The following EYA3 variants were observed in gnomAD, a reference collection of about 807,000 sequenced individuals.
EYA3 encodes EYA transcriptional coactivator and phosphatase 3, also known as protein phosphatase EYA3.
Under a neutral mutation model 80.0 loss-of-function variants are expected in EYA3, and 39 were observed. That is an observed-to-expected ratio of 0.49 (90% CI 0.38 to 0.64). The LOEUF is 0.64. EYA3 is among the 30% of genes least tolerant of loss of function. The pLI is 0.00. For synonymous variants in EYA3, 206 were observed against 232.8 expected, an observed-to-expected ratio of 0.88 and a Z score of 1.05; for missense variants, 523 against 676.1, an observed-to-expected ratio of 0.77 and a Z score of 2.51.
rs531497191 is a variant in EYA3 at position 28,035,670 on chromosome 1, G to C, written c.235C>G (p.His79Asp). 4 of 1,609,434 alleles carry C rather than the reference G, an allele frequency of 2.5e-6. No individual in the cohort carries two copies. Among genetic ancestry groups the C allele is most frequent in the Non-Finnish European group, 3.4e-6 (4 of 1,178,838 alleles). ...TCCGAAACAGGAACTGAGAGAATAT[G>C]TGCATAAGGTCTGGAAAATTTCATG... ...SQMYSAKPYAHILSVPVSETA... is the reference protein window; with the variant it reads ...SQMYSAKPYADILSVPVSETA... The change falls in exon 6 of 18, where the codon CAT becomes GAT. Residue 79 changes from histidine to aspartate, a missense_variant. This residue lies in a region of EYA3 where 304 missense variants were observed against 343.3 expected (regional missense o/e 0.89). Coordinates refer to ENST00000373871, the MANE Select transcript of EYA3 (RefSeq NM_001990.4).
chr1:28,008,298 G>T (rs1207989124), intron 10 of EYA3, among the ~76,000 whole-genome samples: 1 of 151,764 alleles, frequency 6.6e-6, no homozygotes, highest in Admixed American at 6.6e-5. Flanking sequence ...ACTCAAAATG[G>T]AGAACAGCCT....
intron 8 of EYA3, among the ~76,000 whole-genome samples, chr1:28,015,404 A>G (rs1279911386): frequency 2.0e-5 from 3 of 152,272 alleles, no homozygotes; most frequent in Admixed American, 6.5e-5. Context: ...GGACTCTCAA[A>G]TTCAAACCAA....
intron 1 of EYA3, among the ~76,000 whole-genome samples, chr1:28,081,905 A>G (rs1557656740): frequency 6.6e-6 from 1 of 152,224 alleles, no homozygotes; most frequent in Non-Finnish European, 1.5e-5. Flanking sequence ...ACTGATTATC[A>G]GACCCACATT....
chr1:28,057,765 A>AT (rs1232871107), intron 2 of EYA3, among the ~76,000 whole-genome samples: 1 of 152,094 alleles, frequency 6.6e-6, no homozygotes, highest in African/African-American at 2.4e-5. Context: ...CTAGCCACTT[A>AT]TTTTTTTAAA....
rs1379938738 is a variant in EYA3 at position 28,054,285 on chromosome 1, G to A, written c.33+3709C>T. On this transcript the variant is annotated intron_variant, in intron 2 of 17. Coordinates refer to ENST00000373871, the MANE Select transcript of EYA3 (RefSeq NM_001990.4). ...GGTAAGCATTCCAAATTATTAGAGA[G>A]GTAAATATTTATGGCAGAGACAACT... 9.9e-5 allele frequency among the ~76,000 whole-genome samples: 15 copies of A among 152,118 alleles called. 1 individual carries two copies. Among genetic ancestry groups the A allele is most frequent in the Non-Finnish European group, 1.5e-5 (1 of 68,018 alleles).
At chr1:27,987,337 C>T (rs1639727955) in intron 16 of EYA3, among the ~76,000 whole-genome samples, 1 of 152,210 alleles carries the variant, frequency 6.6e-6, no homozygotes, top group Admixed American at 6.5e-5. Flanking sequence ...TACGTGTATA[C>T]CACATTTTGT....
At position 27,997,350 on chromosome 1, in the gene EYA3, A is replaced by T; in HGVS notation, c.1112T>A (p.Val371Glu). Residue 371 changes from valine to glutamate, a missense_variant, in exon 13 of 18, where the codon GTG becomes GAG. Transcript: ENST00000373871. ...GTCTTGGCCATTGTCATCAGAAGCC[A>T]CATCTTCCACATGTACCTGGTCACA... The part of the protein sequence containing the change: ...EECDQVHVED[V>E]ASDDNGQDLS... 1 of 1,614,172 alleles carries T rather than the reference A, an allele frequency of 6.2e-7. No individual in the cohort carries two copies. Among genetic ancestry groups the T allele is most frequent in the Admixed American group, 1.7e-5 (1 of 60,012 alleles).
In EYA3 at chr1:27,989,600, C is replaced by G. The variant is rs545109129; in HGVS notation, c.1418+97G>C. 40 of 712,564 alleles carry G rather than the reference C, an allele frequency of 5.6e-5. No individual in the cohort carries two copies. In the African/African-American group the frequency reaches 6.9e-4, roughly 12 times the overall value. 44.1% of individuals were successfully genotyped at this position (712,564 alleles called of 1,614,324 possible). On this transcript the variant is annotated intron_variant, in intron 15 of 17. Transcript: ENST00000373871. The stretch of plus-strand genomic sequence containing the variant: ...TACATCATTTAAACTCCTCTCTACC[C>G]CTATCCCAAACCCTATTTTAGAGAA...
At chr1:28,027,709 T>C (rs1642869221) in intron 7 of EYA3, 80 bp downstream of exon 7, 3 of 1,560,088 alleles carry the variant, frequency 1.9e-6, no homozygotes, top group East Asian at 2.2e-5. Flanking sequence ...TCCAATTTGT[T>C]TGTTTGGAGA....
intron 2 of EYA3, among the ~76,000 whole-genome samples, chr1:28,054,467 AATT>A (rs1483114628): frequency 1.3e-5 from 2 of 152,218 alleles, no homozygotes; most frequent in African/African-American, 4.8e-5. Flanking sequence ...CAAGCACCTC[AATT>A]ATTTTAAATA....
At chr1:27,997,163 T>C (rs1222206357) in intron 13 of EYA3, among the ~76,000 whole-genome samples, 157 bp downstream of exon 13, 2 of 152,240 alleles carry the variant, frequency 1.3e-5, no homozygotes, top group African/African-American at 4.8e-5. Context: ...TCTCACACTA[T>C]ACATCACGGT....
At chr1:27,974,660 C>A (rs965910403) in intron 17 of EYA3, 114 bp from the exon 18 acceptor site, 5 of 738,186 alleles carry the variant, frequency 6.8e-6, no homozygotes, top group Non-Finnish European at 1.1e-5. Flanking sequence ...GTAACCCTAT[C>A]TATCCCTGCC....
rs529005139 is a variant in EYA3, at chr1:28,041,365, T to TA, written c.157+1205dup. 6.9e-3 allele frequency among the ~76,000 whole-genome samples: 1,043 copies of TA among 151,422 alleles called. 5 individuals carry two copies. Among genetic ancestry groups the TA allele is most frequent in the Non-Finnish European group, 0.01 (712 of 67,882 alleles). ...GGTGACAAGAGCGAAACTCCACCTCTAAAAAATACAAACAAACAACAACAA... is the reference window on the plus strand; with the variant it reads ...GGTGACAAGAGCGAAACTCCACCTCTAAAAAAATACAAACAAACAACAACAA... On this transcript the variant is annotated intron_variant, in intron 4 of 17. Coordinates refer to ENST00000373871, the MANE Select transcript of EYA3 (RefSeq NM_001990.4).
At position 27,971,599 on chromosome 1, in the gene EYA3, CAACAACAAAAAAAA is replaced by C. The variant is rs1218162502; in HGVS notation, c.*2853_*2866del. ...ACAGAGCGAGACTCCATCTCAACAA[CAACAACAAAAAAAA>C]AAAAAAAAAAAAAAAGAGAACCCAC... On this transcript the variant is annotated 3_prime_UTR_variant, in exon 18 of 18. Coordinates refer to ENST00000373871, the MANE Select transcript of EYA3 (RefSeq NM_001990.4). The C allele has an allele frequency of 2.2e-4, 16 of 73,010 alleles. No homozygotes were observed. Among genetic ancestry groups the C allele is most frequent in the African/African-American group, 1.8e-4 (3 of 16,780 alleles). 4.5% of individuals were successfully genotyped at this position (73,010 alleles called of 1,614,324 possible). A position where few individuals can be genotyped will look rare whatever the true frequency, so the allele number is the denominator to read the frequency against.
intron 1 of EYA3, among the ~76,000 whole-genome samples, chr1:28,087,864 T>C (rs569689963): frequency 2.6e-5 from 4 of 152,302 alleles, no homozygotes; most frequent in Middle Eastern, 3.4e-3. Flanking sequence ...AACGCCTTTG[T>C]TGTACCCTAA....
intron 6 of EYA3, among the ~76,000 whole-genome samples, chr1:28,034,208 G>T (rs1198476273): frequency 6.6e-6 from 1 of 152,008 alleles, no homozygotes; most frequent in African/African-American, 2.4e-5. Context: ...AGATGTAATA[G>T]GAGTTGTATT....
chr1:28,009,160 G>C lies in EYA3; in HGVS notation c.909+1787C>G, dbSNP rs1283709681. On this transcript the variant is annotated intron_variant, in intron 10 of 17. Coordinates refer to ENST00000373871, the MANE Select transcript of EYA3 (RefSeq NM_001990.4). This position sits in a 1 kb window ranked among gnomAD's most constrained non-coding sequence, Gnocchi z 4.8. ...TCCTACATATATACCAAAAAGAATT[G>C]ATAAGATGAACTCAGATAGATAATT... Among the ~76,000 whole-genome samples, 2 of 152,060 alleles carry C rather than the reference G, an allele frequency of 1.3e-5. No individual in the cohort carries two copies. Among genetic ancestry groups the C allele is most frequent in the Non-Finnish European group, 2.9e-5 (2 of 68,008 alleles).
intron 1 of EYA3, among the ~76,000 whole-genome samples, chr1:28,070,428 G>C (rs1222803135): frequency 6.6e-6 from 1 of 152,044 alleles, no homozygotes; most frequent in Non-Finnish European, 1.5e-5. Context: ...CAGGCGTGGT[G>C]GTGGGCACCT....
intron 1 of EYA3, among the ~76,000 whole-genome samples, chr1:28,063,687 G>A (rs892447567): frequency 1.3e-5 from 2 of 152,110 alleles, no homozygotes; most frequent in Admixed American, 1.3e-4. Flanking sequence ...TAATAATAAT[G>A]TGCAAATTTG....
Sources: allele counts gnomAD v4.1 joint callset (sites outside exome capture counted in the v4.1 genomes callset), GRCh38; gene constraint gnomAD v4.1.1; regional missense constraint gnomAD v4.1.1; non-coding constraint Gnocchi (gnomAD v3.1); transcripts MANE v1.5; gene names NCBI Gene and HGNC (gene_info 2026-07-23, HGNC 2026-07-21).